Variants in TMEM135 observed in about 807,000 individuals in gnomAD.
TMEM135 encodes the protein peroxisomal membrane protein 52.
Under a neutral mutation model 60.3 loss-of-function variants are expected in TMEM135, and 30 were observed. The observed-to-expected ratio is 0.50, with a 90% CI of 0.37 to 0.68. TMEM135 has a LOEUF of 0.68. TMEM135 is among the 30% of genes least tolerant of loss of function. TMEM135 has a pLI of 0.00. For missense variants in TMEM135, 468 were observed against 548.8 expected, an observed-to-expected ratio of 0.85 and a Z score of 1.47; for synonymous variants, 190 against 186.7, an observed-to-expected ratio of 1.02 and a Z score of -0.14.
At chr11:87,196,432 C>G (rs1735095504) in intron 5 of TMEM135, among the ~76,000 whole-genome samples, 2 of 152,096 alleles carry the variant, frequency 1.3e-5, no homozygotes, top group African/African-American at 4.8e-5. Context: ...TGAGGAAATA[C>G]TATTAAAAAG....
intron 6 of TMEM135, among the ~76,000 whole-genome samples, chr11:87,269,089 T>C (rs1253108512): frequency 1.3e-5 from 2 of 151,172 alleles, no homozygotes; most frequent in East Asian, 1.9e-4. Flanking sequence ...AAATACGCAA[T>C]GCACATTTTA....
At chr11:87,062,796 G>A (rs2135130511) in intron 1 of TMEM135, among the ~76,000 whole-genome samples, 1 of 152,154 alleles carries the variant, frequency 6.6e-6, no homozygotes, top group Middle Eastern at 3.4e-3. Context: ...AATTTTAGAA[G>A]TAGAAAAAAT....
chr11:87,057,865 A>T (rs999972413), intron 1 of TMEM135, among the ~76,000 whole-genome samples: 2 of 151,908 alleles, frequency 1.3e-5, no homozygotes, highest in African/African-American at 4.8e-5. Flanking sequence ...TTGGAGGCTT[A>T]ATAAATGCCA....
At chr11:87,067,254 A>C (rs185968340) in intron 1 of TMEM135, among the ~76,000 whole-genome samples, 193 of 149,506 alleles carry the variant, frequency 1.3e-3, no homozygotes, top group Admixed American at 2.4e-3. Context: ...TGCCACACAG[A>C]AGTCAAGTTT....
intron 6 of TMEM135, among the ~76,000 whole-genome samples, chr11:87,253,630 GCC>G (rs1256049999): frequency 2.2e-5 from 3 of 133,844 alleles, no homozygotes; most frequent in African/African-American, 8.3e-5. Context: ...TAAAGGATGA[GCC>G]ATATATATAT....
chr11:87,298,786 C>CAAACAAAAAAA (rs1942392263), intron 7 of TMEM135, among the ~76,000 whole-genome samples: 1 of 57,716 alleles, frequency 1.7e-5, no homozygotes, highest in African/African-American at 7.6e-5. Context: ...GACTCTGTCT[C>CAAACAAAAAAA]AAAAAAAAAA....
chr11:87,060,259 C>T (rs1020915157), intron 1 of TMEM135, among the ~76,000 whole-genome samples: 2 of 152,052 alleles, frequency 1.3e-5, no homozygotes, highest in Non-Finnish European at 2.9e-5. Context: ...GTTGTTTTTC[C>T]ATCTTCTTTC....
In TMEM135 at chr11:87,062,427, C is replaced by CCCG. The variant is rs1788696593; in HGVS notation, c.142-5265_142-5264insGCC. ...AACATTTCCCCCCAAGCCCCCCCCCCCCCCCGCATAGATGTCCAATTCTTC... is the reference window on the plus strand; with the variant it reads ...AACATTTCCCCCCAAGCCCCCCCCCCCCGCCCCCGCATAGATGTCCAATTCTTC... On this transcript the variant is annotated intron_variant, in intron 1 of 14. Coordinates refer to ENST00000305494, the MANE Select transcript of TMEM135 (RefSeq NM_022918.4). Among the ~76,000 whole-genome samples, 2 of 48,492 alleles carry CCCG rather than the reference C, an allele frequency of 4.1e-5. 1 individual carries two copies. Among genetic ancestry groups the CCCG allele is most frequent in the African/African-American group, 1.7e-4 (2 of 11,986 alleles). 31.8% of individuals were successfully genotyped at this position (48,492 alleles called of 152,430 possible).
chr11:87,307,810 GAATA>G (rs1418379194), intron 9 of TMEM135, among the ~76,000 whole-genome samples: 2 of 152,052 alleles, frequency 1.3e-5, no homozygotes, highest in Admixed American at 6.6e-5. Flanking sequence ...TCACATCCCT[GAATA>G]AATACTCATA....
chr11:87,240,937 T>C (rs1460851652), intron 6 of TMEM135, among the ~76,000 whole-genome samples: 1 of 152,160 alleles, frequency 6.6e-6, no homozygotes, highest in Admixed American at 6.6e-5. Flanking sequence ...TGATTCACAG[T>C]AGAAATATCT....
At position 87,037,980 on chromosome 11, in the gene TMEM135, C is replaced by T. The variant is rs934324189; in HGVS notation, c.-66C>T. The T allele has an allele frequency of 6.2e-7, 1 of 1,606,656 alleles. No homozygotes were observed. The highest frequency in any genetic ancestry group is 8.5e-7 in the Non-Finnish European group (1 of 1,178,794). On this transcript the variant is annotated 5_prime_UTR_variant, in exon 1 of 15. Transcript: ENST00000305494. ...GCCGGGCGAGAGGCTGGCGGCTGGG[C>T]TCTCGCGCCCCTCCCTGCAGGGCTC... is the stretch of plus-strand genomic sequence containing the variant.
intron 5 of TMEM135, among the ~76,000 whole-genome samples, chr11:87,191,507 C>T (rs1308328180): frequency 1.3e-5 from 2 of 152,144 alleles, no homozygotes; most frequent in African/African-American, 2.4e-5. Context: ...TCCCAAAGTG[C>T]TGGGATTACA....
chr11:87,111,264 T>A (rs1420508636), intron 4 of TMEM135, among the ~76,000 whole-genome samples: 1 of 152,146 alleles, frequency 6.6e-6, no homozygotes, highest in Non-Finnish European at 1.5e-5. Context: ...CATCTTTTAG[T>A]TATTTAATAT....
intron 5 of TMEM135, among the ~76,000 whole-genome samples, chr11:87,230,418 T>G (rs1348408623): frequency 6.6e-6 from 1 of 152,058 alleles, no homozygotes; most frequent in Non-Finnish European, 1.5e-5. Flanking sequence ...ATAGAGAAAT[T>G]TTTTCAAGTT....
At chr11:87,238,963 T>G (rs759501193) in intron 6 of TMEM135, among the ~76,000 whole-genome samples, 6 of 152,030 alleles carry the variant, frequency 3.9e-5, no homozygotes, top group Non-Finnish European at 7.4e-5. Context: ...TTCTTAGTCA[T>G]CAGAAGTTTT....
At chr11:87,129,896 T>A (rs1937868266) in intron 4 of TMEM135, among the ~76,000 whole-genome samples, 1 of 148,266 alleles carries the variant, frequency 6.7e-6, no homozygotes, top group African/African-American at 2.5e-5. Context: ...ATTCTGTCTT[T>A]GGAAAAAATG....
At chr11:87,126,397 T>C (rs1271274702) in intron 4 of TMEM135, among the ~76,000 whole-genome samples, 6 of 151,968 alleles carry the variant, frequency 3.9e-5, no homozygotes, top group African/African-American at 1.4e-4. Context: ...AAATATTTTA[T>C]AATTTCATTA....
At chr11:87,277,225 G>A (rs1464646134) in intron 6 of TMEM135, 2 of 352,856 alleles carry the variant, frequency 5.7e-6, no homozygotes, top group Admixed American at 3.1e-5. Context: ...TGCACCTCCC[G>A]GGTTCAAGCG....
At chr11:87,242,123 T>A (rs1351271860) in intron 6 of TMEM135, among the ~76,000 whole-genome samples, 33 of 151,484 alleles carry the variant, frequency 2.2e-4, no homozygotes, top group African/African-American at 7.8e-4. Context: ...GTCCTTGCGA[T>A]AGTTTACTGA....
Sources: allele counts gnomAD v4.1 joint callset (sites outside exome capture counted in the v4.1 genomes callset), GRCh38; gene constraint gnomAD v4.1.1; transcripts MANE v1.5; gene names NCBI Gene and HGNC (gene_info 2026-07-23, HGNC 2026-07-21).